KIAA1217: variants seen among roughly 807,000 people sequenced by gnomAD.
The protein encoded by KIAA1217 is sickle tail protein homolog.
KIAA1217 carries 88 observed loss-of-function variants against 163.9 expected under a neutral mutation model. The ratio of observed to expected loss-of-function variants is 0.54; its 90% CI spans 0.45 to 0.64. The LOEUF (loss-of-function observed/expected upper bound fraction) is 0.64, where lower values mean the gene tolerates loss of function less well. Among genes scored for constraint, KIAA1217 ranks in the 30% least tolerant of loss-of-function variants. The pLI, the probability that KIAA1217 is intolerant of heterozygous loss-of-function variation, is 0.00. For synonymous variants in KIAA1217, 903 were observed against 923.1 expected, an observed-to-expected ratio of 0.98 and a Z score of 0.39; for missense variants, 2,372 against 2,475.0, an observed-to-expected ratio of 0.96 and a Z score of 0.88.
chr10:24,421,239 C>T (rs1306635364), intron 3 of KIAA1217, among the ~76,000 whole-genome samples: 2 of 152,192 alleles, frequency 1.3e-5, no homozygotes, highest in Non-Finnish European at 2.9e-5. Context: ...CTACGGACCT[C>T]AGGTGATCCA....
chr10:24,519,608 G>A (rs1257656122), intron 10 of KIAA1217, among the ~76,000 whole-genome samples: 1 of 152,112 alleles, frequency 6.6e-6, no homozygotes, highest in Non-Finnish European at 1.5e-5. Context: ...GGCCAGGGGC[G>A]CTGCTAAACA....
At chr10:24,447,130 T>A (rs1027417428) in intron 5 of KIAA1217, among the ~76,000 whole-genome samples, 2 of 152,176 alleles carry the variant, frequency 1.3e-5, no homozygotes, top group Admixed American at 1.3e-4. Flanking sequence ...TGCCCCGCTC[T>A]CTTTGTGCAC....
chr10:23,866,160 A>G (rs1034425140), intron 1 of KIAA1217, among the ~76,000 whole-genome samples: 16 of 152,168 alleles, frequency 1.1e-4, no homozygotes, highest in African/African-American at 3.4e-4. Flanking sequence ...ACACAACCCT[A>G]TAGGATTCTG....
chr10:24,127,110 C>A (rs1218004196), intron 2 of KIAA1217, among the ~76,000 whole-genome samples: 1 of 152,092 alleles, frequency 6.6e-6, no homozygotes, highest in African/African-American at 2.4e-5. Flanking sequence ...CTACTTTGAC[C>A]TTTTGACCTA....
In KIAA1217 at chr10:24,159,976, A is replaced by G. The variant is rs566154924; in HGVS notation, c.-170-59650A>G. Among the ~76,000 whole-genome samples, 87 of 152,326 alleles carry G rather than the reference A, an allele frequency of 5.7e-4. 1 individual carries two copies. The highest frequency in any genetic ancestry group is 2.1e-3 in the African/African-American group (86 of 41,576). ...GTTGAAAAGCTTATTTTTTCCCCATAGAATTGCCTTTGTACCTTTGTCAAA... is the reference window on the plus strand; with the variant it reads ...GTTGAAAAGCTTATTTTTTCCCCATGGAATTGCCTTTGTACCTTTGTCAAA... On this transcript the variant is annotated intron_variant, in intron 2 of 18. Transcript: ENST00000376462.
chr10:24,309,141 G>A (rs1303295808), intron 2 of KIAA1217, among the ~76,000 whole-genome samples: 1 of 110,614 alleles, frequency 9.0e-6, no homozygotes. Flanking sequence ...AAAAAAAAAG[G>A]AAGGAAGGAA....
chr10:24,176,778 G>T (rs1007505314), intron 2 of KIAA1217, among the ~76,000 whole-genome samples: 1 of 152,236 alleles, frequency 6.6e-6, no homozygotes, highest in Admixed American at 6.5e-5. Flanking sequence ...CGGAGCGGGG[G>T]TGGCGCCCAT....
intron 8 of KIAA1217, 65 bp downstream of exon 8, chr10:24,495,261 T>C: frequency 7.5e-7 from 1 of 1,328,056 alleles, no homozygotes; most frequent in South Asian, 1.3e-5. Context: ...CTGGCTGGTC[T>C]CAGAAATGTT....
At chr10:24,226,676 A>C (rs969599585) in intron 2 of KIAA1217, among the ~76,000 whole-genome samples, 10 of 152,038 alleles carry the variant, frequency 6.6e-5, no homozygotes, top group African/African-American at 2.4e-4. Flanking sequence ...AAATAAAGGC[A>C]AATCTTACTC....
At chr10:24,373,415 C>G (rs537348116) in intron 2 of KIAA1217, among the ~76,000 whole-genome samples, 1 of 152,124 alleles carries the variant, frequency 6.6e-6, no homozygotes, top group Admixed American at 6.5e-5. Flanking sequence ...CTTCTAACCC[C>G]AATTTAGGGA....
chr10:23,782,386 A>T (rs1306872762), intron 1 of KIAA1217, among the ~76,000 whole-genome samples: 1 of 152,206 alleles, frequency 6.6e-6, no homozygotes, highest in African/African-American at 2.4e-5. Context: ...GTAAAAAAAT[A>T]CAACTAATTT....
intron 2 of KIAA1217, among the ~76,000 whole-genome samples, chr10:24,346,568 CT>C (rs1177259021): frequency 3.0e-3 from 361 of 120,996 alleles, no homozygotes; most frequent in Middle Eastern, 4.7e-3. Flanking sequence ...TTTGTTGGCC[CT>C]TTTTTTTTTT....
Position 24,054,044 on chromosome 10 carries a change from C to T in KIAA1217, c.-171+46670C>T, listed in dbSNP as rs953314650. Among the ~76,000 whole-genome samples the T allele has an allele frequency of 4.6e-5, 7 of 152,222 alleles. No homozygotes were observed. The East Asian group carries it at 1.4e-3, about 29-fold the overall frequency. On this transcript the variant is annotated intron_variant, in intron 2 of 18. Coordinates refer to the KIAA1217 transcript ENST00000376462. ...CTTCCATCAGTGAACATTTATTAGG[C>T]TAAGTGTCAGGCATTATTCTAGGAT...
intron 1 of KIAA1217, among the ~76,000 whole-genome samples, chr10:23,921,039 G>A (rs1383223748): frequency 6.6e-6 from 1 of 152,186 alleles, no homozygotes; most frequent in East Asian, 1.9e-4. Flanking sequence ...GGAACTGTGA[G>A]TCCATTATAC....
At chr10:24,273,311 C>T (rs2076944891) in intron 2 of KIAA1217, among the ~76,000 whole-genome samples, 1 of 152,188 alleles carries the variant, frequency 6.6e-6, no homozygotes, top group East Asian at 1.9e-4. Context: ...ATTAAGTACT[C>T]CTCTTTCCTT....
At chr10:23,923,376 C>T (rs1428348763) in intron 1 of KIAA1217, among the ~76,000 whole-genome samples, 1 of 152,198 alleles carries the variant, frequency 6.6e-6, no homozygotes, top group Non-Finnish European at 1.5e-5. Flanking sequence ...GAGAAAGTCA[C>T]ACTGTGGTAG....
At chr10:23,799,303 G>A (rs188253538) in intron 1 of KIAA1217, among the ~76,000 whole-genome samples, 1 of 152,226 alleles carries the variant, frequency 6.6e-6, no homozygotes, top group East Asian at 1.9e-4. Context: ...GAAACTATTC[G>A]ACTCCTAACA....
At chr10:24,202,519 C>T (rs972875185) in intron 2 of KIAA1217, among the ~76,000 whole-genome samples, 2 of 152,196 alleles carry the variant, frequency 1.3e-5, no homozygotes, top group African/African-American at 2.4e-5. Flanking sequence ...CCACCCTCCA[C>T]CCTGGGCTGC....
intron 2 of KIAA1217, among the ~76,000 whole-genome samples, chr10:24,346,725 C>G (rs1591180628): frequency 6.6e-6 from 1 of 151,694 alleles, no homozygotes; most frequent in East Asian, 2.0e-4. Context: ...GTGTGCACCA[C>G]CACACCCGGC....
Sources: allele counts gnomAD v4.1 joint callset (sites outside exome capture counted in the v4.1 genomes callset), GRCh38; gene constraint gnomAD v4.1.1; transcripts MANE v1.5; gene names NCBI Gene and HGNC (gene_info 2026-07-23, HGNC 2026-07-21).